The following ZNF420 variants were observed in gnomAD, a reference collection of about 807,000 sequenced individuals.
ZNF420 encodes the protein zinc finger protein 420.
A neutral mutation model predicts 44.7 loss-of-function variants in ZNF420; 31 were observed. The observed-to-expected ratio is 0.69, with a 90% CI of 0.52 to 0.94. The LOEUF (loss-of-function observed/expected upper bound fraction) is 0.94, where lower values mean the gene tolerates loss of function less well. ZNF420 is among the 40% of genes least tolerant of loss of function. The pLI is 0.00. For missense variants in ZNF420, 681 were observed against 827.9 expected (o/e 0.82, Z 2.18); for synonymous variants, 245 against 267.4 (o/e 0.92, Z 0.82).
chr19:37,070,452 T>G (rs1046731080), intron 1 of ZNF420, among the ~76,000 whole-genome samples: 3 of 152,198 alleles, frequency 2.0e-5, no homozygotes, highest in African/African-American at 7.2e-5. Flanking sequence ...AATTTCTATT[T>G]GTTAAAAGAT....
At chr19:37,063,290 A>G (rs1967909184) in intron 1 of ZNF420, among the ~76,000 whole-genome samples, 1 of 152,176 alleles carries the variant, frequency 6.6e-6, no homozygotes, top group South Asian at 2.1e-4. Flanking sequence ...CCCCCTGAGA[A>G]ACAGAAAGAG....
At chr19:37,101,297 C>T (rs186258057) in intron 4 of ZNF420, among the ~76,000 whole-genome samples, 3 of 152,242 alleles carry the variant, frequency 2.0e-5, no homozygotes, top group Admixed American at 1.3e-4. Flanking sequence ...GAGTTCAAGA[C>T]CAGCCTGACC....
chr19:37,077,287 T>C (rs1474664334), upstream of ZNF420, among the ~76,000 whole-genome samples: 1 of 152,224 alleles, frequency 6.6e-6, no homozygotes, highest in Non-Finnish European at 1.5e-5. Context: ...ACTAGTGCTG[T>C]ACTGTGCTAA....
Position 37,129,146 on chromosome 19 carries a change from T to C in ZNF420, c.*88T>C, listed in dbSNP as rs1332651058. ...CACAAATGTGAATATGGGCGCACATTTGCCTCATAAAGCACAGCATCAGAT... is the reference window on the plus strand; with the variant it reads ...CACAAATGTGAATATGGGCGCACATCTGCCTCATAAAGCACAGCATCAGAT... On this transcript the variant is annotated 3_prime_UTR_variant, in exon 5 of 5. Transcript: ENST00000337995. 1 of 1,481,274 alleles carries C rather than the reference T, an allele frequency of 6.8e-7. No homozygotes were observed. The highest frequency in any genetic ancestry group is 9.1e-7 in the Non-Finnish European group (1 of 1,101,836). The allele number at this position is 1,481,274 out of a possible 1,614,324, so 91.8% of individuals were successfully genotyped here. A position where few individuals can be genotyped will look rare whatever the true frequency, so the allele number is the denominator to read the frequency against.
intron 1 of ZNF420, among the ~76,000 whole-genome samples, chr19:37,026,638 G>A (rs2146391515): frequency 6.6e-6 from 1 of 151,638 alleles, no homozygotes; most frequent in African/African-American, 2.4e-5. Flanking sequence ...ATTTTTGTAT[G>A]TTTAGTAGGT....
At chr19:37,084,536 G>A (rs1968650692) in intron 2 of ZNF420, among the ~76,000 whole-genome samples, 1 of 151,974 alleles carries the variant, frequency 6.6e-6, no homozygotes, top group Non-Finnish European at 1.5e-5. Context: ...TGGTTATTTG[G>A]CCTCAAAATG....
intron 4 of ZNF420, among the ~76,000 whole-genome samples, chr19:37,117,686 G>A (rs1970774831): frequency 1.4e-5 from 2 of 146,260 alleles, no homozygotes; most frequent in Admixed American, 1.4e-4. Context: ...GCTACAGGAG[G>A]AAATTCAAAC....
At chr19:37,124,494 TG>T in intron 4 of ZNF420, among the ~76,000 whole-genome samples, 1 of 152,178 alleles carries the variant, frequency 6.6e-6, no homozygotes, top group African/African-American at 2.4e-5. Context: ...GCTAAATGTA[TG>T]TTTAACATTA....
intron 4 of ZNF420, among the ~76,000 whole-genome samples, chr19:37,123,493 A>G (rs905332246): frequency 1.3e-5 from 2 of 152,022 alleles, no homozygotes; most frequent in Non-Finnish European, 2.9e-5. Flanking sequence ...TGAAGCCAGC[A>G]AATGTCCCAA....
chr19:37,061,784 C>T (rs1024077385), intron 1 of ZNF420, among the ~76,000 whole-genome samples: 2 of 151,998 alleles, frequency 1.3e-5, no homozygotes, highest in African/African-American at 4.8e-5. Context: ...TTGAGGCATC[C>T]ACATATCCCA....
At chr19:37,073,990 A>C (rs1229389653), upstream of ZNF420, among the ~76,000 whole-genome samples, 1 of 152,052 alleles carries the variant, frequency 6.6e-6, no homozygotes, top group Non-Finnish European at 1.5e-5. Context: ...AAAAATAAAG[A>C]GGTATAGAGG....
chr19:37,129,385 G>T lies in ZNF420; in HGVS notation c.*327G>T. On this transcript the variant is annotated 3_prime_UTR_variant, in exon 5 of 5. Coordinates refer to ENST00000337995, the MANE Select transcript of ZNF420 (RefSeq NM_144689.5). ...ATCATGATACTTAACCTCTACCTTGGTTTAATCATTTTAAGATAGACCTAA... is the reference window on the plus strand; with the variant it reads ...ATCATGATACTTAACCTCTACCTTGTTTTAATCATTTTAAGATAGACCTAA... The T allele has an allele frequency of 4.0e-6, 1 of 251,022 alleles. No individual in the cohort carries two copies. Among genetic ancestry groups the T allele is most frequent in the Non-Finnish European group, 7.6e-6 (1 of 130,766 alleles). 15.5% of individuals were successfully genotyped at this position (251,022 alleles called of 1,614,324 possible).
chr19:37,052,026 C>T (rs1967648187), intron 1 of ZNF420, among the ~76,000 whole-genome samples: 1 of 152,152 alleles, frequency 6.6e-6, no homozygotes, highest in South Asian at 2.1e-4. Context: ...TAAGGACTTG[C>T]TTTATGAATC....
intron 1 of ZNF420, among the ~76,000 whole-genome samples, chr19:37,056,876 C>T (rs1450175952): frequency 6.6e-6 from 1 of 152,234 alleles, no homozygotes; most frequent in South Asian, 2.1e-4. Flanking sequence ...CGCCGCCTAC[C>T]GGACCGGGGA....
intron 1 of ZNF420, among the ~76,000 whole-genome samples, chr19:37,029,574 G>A (rs1391241303): frequency 4.8e-5 from 7 of 144,730 alleles, no homozygotes; most frequent in Non-Finnish European, 1.0e-4. Flanking sequence ...TTGAATCAAA[G>A]TCTCGGCCTG....
intron 1 of ZNF420, among the ~76,000 whole-genome samples, chr19:37,014,734 C>G (rs889457808): frequency 1.3e-5 from 2 of 152,234 alleles, no homozygotes; most frequent in Non-Finnish European, 2.9e-5. Flanking sequence ...TCCCAGGGAC[C>G]ACCACCATTG....
intron 4 of ZNF420, among the ~76,000 whole-genome samples, chr19:37,093,350 G>T (rs1192015601): frequency 6.6e-6 from 1 of 152,106 alleles, no homozygotes; most frequent in Non-Finnish European, 1.5e-5. Context: ...AGCCTCCCCA[G>T]CAGCTGGGAT....
intron 1 of ZNF420, among the ~76,000 whole-genome samples, chr19:37,017,861 C>T (rs181110482): frequency 6.6e-6 from 1 of 152,050 alleles, no homozygotes; most frequent in Non-Finnish European, 1.5e-5. Context: ...AAATTGAAGA[C>T]AATGAAATGA....
At chr19:37,082,527 G>T (rs1968524148) in intron 2 of ZNF420, among the ~76,000 whole-genome samples, 1 of 152,174 alleles carries the variant, frequency 6.6e-6, no homozygotes, top group African/African-American at 2.4e-5. Context: ...TTATTGATAT[G>T]GTTTGGTTCA....
Sources: allele counts gnomAD v4.1 joint callset (sites outside exome capture counted in the v4.1 genomes callset), GRCh38; gene constraint gnomAD v4.1.1; transcripts MANE v1.5; gene names NCBI Gene and HGNC (gene_info 2026-07-23, HGNC 2026-07-21).